Variants in NFIB observed in about 807,000 individuals in gnomAD.
NFIB encodes the protein nuclear factor 1 B-type.
Under a neutral mutation model 61.5 loss-of-function variants are expected in NFIB, and 11 were observed. That is an observed-to-expected ratio of 0.18 (90% confidence interval 0.11 to 0.30). The LOEUF is 0.30. Ranked by LOEUF, NFIB falls within the 10% of genes least tolerant of loss-of-function variation. The probability of loss-of-function intolerance (pLI) is 1.00; values close to 1 mark genes in which losing one functional copy is unlikely to be tolerated. For synonymous variants in NFIB, 260 were observed against 216.5 expected, an observed-to-expected ratio of 1.20 and a Z score of -1.76; for missense variants, 471 against 608.9, an observed-to-expected ratio of 0.77 and a Z score of 2.38.
chr9:14,097,568 A>G (rs2035000768), intron 10 of NFIB, among the ~76,000 whole-genome samples: 2 of 152,288 alleles, frequency 1.3e-5, no homozygotes, highest in Non-Finnish European at 2.9e-5. Flanking sequence ...TTACCTAAGG[A>G]CATACTGCCC....
At chr9:14,292,518 C>T (rs1267527261) in intron 2 of NFIB, among the ~76,000 whole-genome samples, 3 of 152,212 alleles carry the variant, frequency 2.0e-5, no homozygotes, top group Non-Finnish European at 4.4e-5. Context: ...GAGGACTGCT[C>T]TCTGCCAAGA....
At chr9:14,368,510 T>G (rs1564034924) in intron 1 of NFIB, among the ~76,000 whole-genome samples, 1 of 152,218 alleles carries the variant, frequency 6.6e-6, no homozygotes, top group Non-Finnish European at 1.5e-5. Context: ...CTGGTTACGG[T>G]GCAACTGCAC....
chr9:14,157,764 G>C (rs977725349), intron 3 of NFIB, among the ~76,000 whole-genome samples: 3 of 152,240 alleles, frequency 2.0e-5, no homozygotes, highest in East Asian at 1.9e-4. Flanking sequence ...CTATCATATA[G>C]AAAGATTTTT....
intron 2 of NFIB, among the ~76,000 whole-genome samples, chr9:14,302,701 G>A (rs1277962777): frequency 6.6e-6 from 1 of 151,976 alleles, no homozygotes. Flanking sequence ...TCTTCAAAAC[G>A]CTTTCCTGCC....
At chr9:14,364,289 G>A (rs1197060672) in intron 1 of NFIB, among the ~76,000 whole-genome samples, 2 of 152,038 alleles carry the variant, frequency 1.3e-5, no homozygotes, top group African/African-American at 2.4e-5. Flanking sequence ...AGTTTTTTTG[G>A]CTTTGTGAAG....
chr9:14,487,647 A>G, the NFIB span, among the ~76,000 whole-genome samples: 1 of 152,214 alleles, frequency 6.6e-6, no homozygotes, highest in Non-Finnish European at 1.5e-5. Flanking sequence ...GCTCAAATCC[A>G]TCAGGGATGT....
At chr9:14,482,782 C>T in the NFIB span, among the ~76,000 whole-genome samples, 4 of 152,190 alleles carry the variant, frequency 2.6e-5, no homozygotes, top group Non-Finnish European at 5.9e-5. Context: ...ATGCCACTTG[C>T]TATACAAACC....
chr9:14,297,945 C>T (rs1049763025), intron 2 of NFIB, among the ~76,000 whole-genome samples: 1 of 152,026 alleles, frequency 6.6e-6, no homozygotes, highest in Non-Finnish European at 1.5e-5. Flanking sequence ...GTAAAATTCG[C>T]TATTTTTGCA....
At chr9:14,371,208 G>T (rs773792745) in intron 1 of NFIB, among the ~76,000 whole-genome samples, 2 of 152,178 alleles carry the variant, frequency 1.3e-5, no homozygotes, top group Non-Finnish European at 1.5e-5. Flanking sequence ...GCTATGCAAG[G>T]CCTCAGTCAT....
chr9:14,381,777 G>C (rs551525741), intron 1 of NFIB, among the ~76,000 whole-genome samples: 2 of 152,248 alleles, frequency 1.3e-5, no homozygotes, highest in South Asian at 2.1e-4. Context: ...GGAAATTCAC[G>C]TTTACTAGAA....
the NFIB span, among the ~76,000 whole-genome samples, chr9:14,468,538 G>A: frequency 6.6e-6 from 1 of 152,192 alleles, no homozygotes; most frequent in Non-Finnish European, 1.5e-5. Context: ...TAATTTTGTT[G>A]CACTATTTCT....
the NFIB span, among the ~76,000 whole-genome samples, chr9:14,406,516 T>C: frequency 6.6e-5 from 10 of 152,278 alleles, no homozygotes; most frequent in South Asian, 2.1e-3. Context: ...TGAGTTCTCT[T>C]TCTTGGGGAG....
intron 6 of NFIB, among the ~76,000 whole-genome samples, chr9:14,145,064 C>A (rs1285760101): frequency 6.6e-6 from 1 of 152,200 alleles, no homozygotes; most frequent in South Asian, 2.1e-4. Context: ...TTTTTACCTA[C>A]TGCCTGAAAA....
intron 2 of NFIB, among the ~76,000 whole-genome samples, chr9:14,225,248 TA>T (rs557332374): frequency 1.1e-4 from 17 of 152,048 alleles, no homozygotes; most frequent in African/African-American, 2.4e-4. Flanking sequence ...AAGAATGCTA[TA>T]AAAAAATATA....
In NFIB at chr9:14,085,290, A is replaced by G. The variant is rs1291524026; in HGVS notation, c.*3019T>C. 5 of 225,872 alleles carry G rather than the reference A, an allele frequency of 2.2e-5. No individual in the cohort carries two copies. The highest frequency in any genetic ancestry group is 4.4e-5 in the Non-Finnish European group (5 of 113,592). 14.0% of individuals were successfully genotyped at this position (225,872 alleles called of 1,614,324 possible). A position where few individuals can be genotyped will look rare whatever the true frequency, so the allele number is the denominator to read the frequency against. ...ATTTTATTAGGCCATGGCCTAGGGG[A>G]AGGGGGCCAGGGGACTCCTTAAGAC... On this transcript the variant is annotated 3_prime_UTR_variant, in exon 11 of 11. Transcript: ENST00000380953.
chr9:14,354,777 ACT>A (rs1491134188), intron 1 of NFIB, among the ~76,000 whole-genome samples: 1 of 124,146 alleles, frequency 8.1e-6, no homozygotes, highest in African/African-American at 3.3e-5. Context: ...TGTAATGGGT[ACT>A]CTGTGTGTGT....
chr9:14,090,635 T>C (rs2033744232), intron 10 of NFIB, among the ~76,000 whole-genome samples: 2 of 152,088 alleles, frequency 1.3e-5, no homozygotes, highest in Non-Finnish European at 2.9e-5. Flanking sequence ...ATACATTATT[T>C]TTAACTTGAA....
At chr9:14,420,250 C>T in the NFIB span, among the ~76,000 whole-genome samples, 1 of 151,800 alleles carries the variant, frequency 6.6e-6, no homozygotes, top group Non-Finnish European at 1.5e-5. Flanking sequence ...AGTTTGAGAC[C>T]AGCCTGGCCA....
At chr9:14,458,602 G>C in the NFIB span, among the ~76,000 whole-genome samples, 1 of 152,184 alleles carries the variant, frequency 6.6e-6, no homozygotes, top group Non-Finnish European at 1.5e-5. Flanking sequence ...TGACATGATT[G>C]TATATCTAGA....
Sources: gnomAD v4.1 joint callset for allele counts (sites outside exome capture counted in the v4.1 genomes callset) on GRCh38, gnomAD v4.1.1 for gene constraint, MANE v1.5 for transcripts, NCBI Gene and HGNC (gene_info 2026-07-23, HGNC 2026-07-21) for gene names.